The following ZPBP variants were observed in gnomAD, a reference collection of about 807,000 sequenced individuals.
ZPBP encodes the protein zona pellucida-binding protein 1.
ZPBP carries 26 observed loss-of-function variants against 44.8 expected under a neutral mutation model. The observed-to-expected ratio is 0.58, with a 90% CI of 0.43 to 0.81. The LOEUF is 0.81. Among genes scored for constraint, ZPBP ranks in the 30% least tolerant of loss-of-function variants. The pLI, the probability that ZPBP is intolerant of heterozygous loss-of-function variation, is 0.00. For missense variants in ZPBP, 409 were observed against 434.0 expected (o/e 0.94, Z 0.51); for synonymous variants, 174 against 153.2 (o/e 1.14, Z -1.00).
At chr7:49,901,954 C>T (rs918555996) in intron 1 of ZPBP, among the ~76,000 whole-genome samples, 5 of 146,214 alleles carry the variant, frequency 3.4e-5, no homozygotes, top group East Asian at 1.9e-4. Context: ...GTTTTTTCAA[C>T]GAATGGTACT....
intron 7 of ZPBP, among the ~76,000 whole-genome samples, chr7:49,964,396 T>C (rs920368045): frequency 6.6e-6 from 1 of 152,010 alleles, no homozygotes; most frequent in Non-Finnish European, 1.5e-5. Context: ...TCCTGAGGTA[T>C]CTACAAATTT....
At chr7:49,995,790 G>A (rs1452923370) in intron 6 of ZPBP, among the ~76,000 whole-genome samples, 1 of 152,174 alleles carries the variant, frequency 6.6e-6, no homozygotes, top group South Asian at 2.1e-4. Flanking sequence ...AATATCATAT[G>A]TTCTCATTCG....
intron 1 of ZPBP, chr7:49,914,232 G>C (rs1052157574): frequency 1.2e-4 from 18 of 152,358 alleles, no homozygotes; most frequent in Admixed American, 8.5e-4. Flanking sequence ...AGTCCATGCA[G>C]CTCAAAGTCT....
At chr7:49,977,587 C>T (rs530860836) in intron 7 of ZPBP, among the ~76,000 whole-genome samples, 128 of 152,098 alleles carry the variant, frequency 8.4e-4, no homozygotes, top group African/African-American at 3.0e-3. Context: ...ACACAGATAC[C>T]GTGTCATAAA....
At chr7:49,931,500 G>C (rs961068476) in intron 1 of ZPBP, among the ~76,000 whole-genome samples, 1 of 152,184 alleles carries the variant, frequency 6.6e-6, no homozygotes, top group Non-Finnish European at 1.5e-5. Context: ...GAGACTGGTG[G>C]CATTTTGCCC....
chr7:49,893,450 T>C (rs935214290), intron 2 of ZPBP, among the ~76,000 whole-genome samples: 10 of 152,350 alleles, frequency 6.6e-5, no homozygotes, highest in Middle Eastern at 3.4e-3. Flanking sequence ...ATTTGATTTT[T>C]TTCGTGCTTG....
intron 6 of ZPBP, among the ~76,000 whole-genome samples, chr7:49,999,064 C>T (rs1471689380): frequency 1.3e-5 from 2 of 151,890 alleles, no homozygotes; most frequent in African/African-American, 4.8e-5. Flanking sequence ...AATTTTAACA[C>T]AAATATTCCC....
chr7:49,910,435 G>C (rs1276263280), intron 1 of ZPBP, among the ~76,000 whole-genome samples: 1 of 152,166 alleles, frequency 6.6e-6, no homozygotes, highest in Non-Finnish European at 1.5e-5. Flanking sequence ...GCAAAGAAGG[G>C]AGGAGAATGA....
At chr7:49,989,277 G>C (rs938613186) in intron 6 of ZPBP, among the ~76,000 whole-genome samples, 1 of 152,108 alleles carries the variant, frequency 6.6e-6, no homozygotes, top group Non-Finnish European at 1.5e-5. Context: ...TTCCTAACCT[G>C]TGGAAAGTAA....
chr7:49,859,165 C>A (rs187612527), intron 2 of ZPBP, among the ~76,000 whole-genome samples: 23 of 152,298 alleles, frequency 1.5e-4, no homozygotes, highest in African/African-American at 5.5e-4. Context: ...TCAGCAATAC[C>A]AAAATTATAA....
At chr7:49,906,440 A>G (rs1003375129) in intron 1 of ZPBP, among the ~76,000 whole-genome samples, 8 of 151,800 alleles carry the variant, frequency 5.3e-5, no homozygotes, top group African/African-American at 1.9e-4. Flanking sequence ...GGTTCACGCC[A>G]TTTTCCTGCC....
In ZPBP at chr7:49,931,787, T is replaced by C. The variant is rs531174545; in HGVS notation, n.411+3964A>G. Among the ~76,000 whole-genome samples, 4 of 152,246 alleles carry C rather than the reference T, an allele frequency of 2.6e-5. No individual in the cohort carries two copies. The South Asian group carries it at 8.3e-4, about 32-fold the overall frequency. On this transcript the variant is annotated intron_variant and non_coding_transcript_variant, in intron 1 of 2. Transcript: ENST00000465922. ...TGTCAGACACCTTCACAGCAGCCCC[T>C]CCCATCACAGGCCTGGAGGCCTAGG...
At chr7:50,018,738 ACT>A (rs1193524783) in intron 5 of ZPBP, among the ~76,000 whole-genome samples, 9 of 152,090 alleles carry the variant, frequency 5.9e-5, no homozygotes, top group Non-Finnish European at 7.4e-5. Flanking sequence ...GGTAGGACAA[ACT>A]CTGATCACAA....
intron 1 of ZPBP, chr7:49,921,447 A>T (rs568023337): frequency 1.7e-4 from 26 of 152,206 alleles, no homozygotes; most frequent in Admixed American, 2.6e-4. Flanking sequence ...GGCAGTAAAG[A>T]CTTTGGCCTT....
intron 3 of ZPBP, among the ~76,000 whole-genome samples, chr7:50,061,148 A>G (rs1280118953): frequency 2.0e-5 from 3 of 152,174 alleles, no homozygotes; most frequent in Non-Finnish European, 4.4e-5. Flanking sequence ...ACTGGGCATC[A>G]AAGGAACATA....
intron 2 of ZPBP, among the ~76,000 whole-genome samples, chr7:49,872,307 G>A (rs1182249363): frequency 6.6e-6 from 1 of 151,960 alleles, no homozygotes; most frequent in Non-Finnish European, 1.5e-5. Context: ...AAACATGAAA[G>A]GTCTTGGATT....
intron 6 of ZPBP, 92 bp from the exon 7 acceptor site, chr7:49,983,611 AAAC>A (rs1342291116): frequency 2.6e-6 from 2 of 766,784 alleles, no homozygotes; most frequent in Non-Finnish European, 4.2e-6. Context: ...AATTTAAAGA[AAAC>A]AAAGTCTCAA....
chr7:49,898,794 G>A (rs1379493013), intron 2 of ZPBP, among the ~76,000 whole-genome samples: 2 of 151,978 alleles, frequency 1.3e-5, no homozygotes. Context: ...ACTTATGTTA[G>A]CTGTATACTG....
intron 7 of ZPBP, among the ~76,000 whole-genome samples, chr7:49,964,537 A>T (rs1339041009): frequency 2.0e-5 from 3 of 152,062 alleles, no homozygotes; most frequent in Non-Finnish European, 4.4e-5. Context: ...AATGTGTTAG[A>T]CATCATCATT....
Sources: allele counts gnomAD v4.1 joint callset (sites outside exome capture counted in the v4.1 genomes callset), GRCh38; gene constraint gnomAD v4.1.1; transcripts MANE v1.5; gene names NCBI Gene and HGNC (gene_info 2026-07-23, HGNC 2026-07-21).